Variants in OR10R2 observed in about 807,000 individuals in gnomAD.
The protein encoded by OR10R2 is olfactory receptor 10R2.
Under a neutral mutation model 2.4 loss-of-function variants are expected in OR10R2, and 1 was observed. The observed-to-expected ratio is 0.41, with a 90% CI of 0.15 to 1.95. The LOEUF (loss-of-function observed/expected upper bound fraction) is 1.95, where lower values mean the gene tolerates loss of function less well. Among genes scored for constraint, OR10R2 ranks in the 30% most tolerant of loss-of-function variants. The probability of loss-of-function intolerance (pLI) is 0.30; values close to 1 mark genes in which losing one functional copy is unlikely to be tolerated. For missense variants in OR10R2, 419 were observed against 373.0 expected, an observed-to-expected ratio of 1.12 and a Z score of -1.01; for synonymous variants, 166 against 144.8, an observed-to-expected ratio of 1.15 and a Z score of -1.05.
exon 2 of OR10R2, chr1:158,480,573 G>C (rs754253674): frequency 6.2e-7 from 1 of 1,613,372 alleles, no homozygotes; most frequent in Non-Finnish European, 8.5e-7. Context: ...TTCCCTTTCT[G>C]TTTATCTGTG....
exon 2 of OR10R2, chr1:158,480,224 G>C (rs754115170): frequency 3.1e-6 from 5 of 1,613,960 alleles, no homozygotes; most frequent in Non-Finnish European, 4.2e-6. Context: ...TCCTTCAACT[G>C]TTGTGCTCTT....
rs139794138 is a variant in OR10R2, at chr1:158,474,110, T to A, written c.27+1758T>A. On this transcript the variant is annotated intron_variant, in intron 1 of 1. Coordinates refer to ENST00000641067, the Ensembl canonical transcript of OR10R2. ...TATAGGGTTCTGAGTAAGAAGGTAC[T>A]TGGTAAAATGTAAATTTAAATGTCT... Among the ~76,000 whole-genome samples the A allele has an allele frequency of 1.3e-3, 192 of 152,218 alleles. 2 individuals carry two copies. In the East Asian group the frequency reaches 0.031, roughly 24 times the overall value.
chr1:158,480,022 G>A, exon 2 of OR10R2: 1 of 1,613,950 alleles, frequency 6.2e-7, no homozygotes, highest in Non-Finnish European at 8.5e-7. Flanking sequence ...GGCCCTCTTT[G>A]TAGTTTTTCT....
chr1:158,479,272 G>T (rs1656330034), intron 1 of OR10R2, among the ~76,000 whole-genome samples: 2 of 152,038 alleles, frequency 1.3e-5, no homozygotes, highest in Non-Finnish European at 2.9e-5. Flanking sequence ...AAAGCCTGCT[G>T]GGATTTGTTA....
intron 1 of OR10R2, among the ~76,000 whole-genome samples, chr1:158,476,551 A>AT (rs1406172266): frequency 6.7e-6 from 1 of 150,004 alleles, no homozygotes; most frequent in African/African-American, 2.4e-5. Flanking sequence ...CCATCTCAAA[A>AT]AAAAAAAAAA....
chr1:158,478,729 A>G (rs1656320747), intron 1 of OR10R2, among the ~76,000 whole-genome samples: 2 of 152,166 alleles, frequency 1.3e-5, no homozygotes, highest in Admixed American at 1.3e-4. Flanking sequence ...ATGATGGGTA[A>G]GGAAAGAAGG....
chr1:158,475,036 T>C (rs1213879441), intron 1 of OR10R2, among the ~76,000 whole-genome samples: 1 of 152,146 alleles, frequency 6.6e-6, no homozygotes, highest in African/African-American at 2.4e-5. Flanking sequence ...AATTAATACA[T>C]TTAATAATAA....
intron 1 of OR10R2, among the ~76,000 whole-genome samples, chr1:158,473,785 TC>T (rs1261435722): frequency 0.039 from 3,982 of 102,042 alleles, 436 homozygotes; most frequent in Middle Eastern, 0.065. Context: ...CCTCCCTCCT[TC>T]CCTCTTTCCC....
At chr1:158,480,895 A>G (rs749813817) in exon 2 of OR10R2, 20 of 1,176,742 alleles carry the variant, frequency 1.7e-5, no homozygotes, top group South Asian at 1.1e-4. Context: ...AAATATTATT[A>G]CATTTTAGAT....
At chr1:158,480,730 A>C in exon 2 of OR10R2, 1 of 1,613,188 alleles carries the variant, frequency 6.2e-7, no homozygotes, top group Non-Finnish European at 8.5e-7. Context: ...GCCTACAGCA[A>C]ACTATGTGTC....
intron 1 of OR10R2, among the ~76,000 whole-genome samples, chr1:158,478,103 C>T (rs928020032): frequency 1.3e-5 from 2 of 152,234 alleles, no homozygotes; most frequent in African/African-American, 4.8e-5. Context: ...GGCTAGCCAT[C>T]TGCAGAAGAG....
chr1:158,479,839 A>T, intron 1 of OR10R2, 99 bp from the exon 2 acceptor site: 1 of 1,288,424 alleles, frequency 7.8e-7, no homozygotes, highest in Non-Finnish European at 1.1e-6. Context: ...AAAAGGCAAG[A>T]TTCTTCTTTG....
At chr1:158,480,447 C>G (rs144624013) in exon 2 of OR10R2, 1 of 1,613,738 alleles carries the variant, frequency 6.2e-7, no homozygotes, top group Non-Finnish European at 8.5e-7. Flanking sequence ...CTTTTTGTAG[C>G]GCCAACAAAG....
rs565194529 is a variant in OR10R2, at chr1:158,475,363, T to G, written c.27+3011T>G. Among the ~76,000 whole-genome samples, 3 of 152,104 alleles carry G rather than the reference T, an allele frequency of 2.0e-5. No individual in the cohort carries two copies. The East Asian group carries it at 5.8e-4, about 29-fold the overall frequency. ...TGTAGATATAGTTTGCTAAATTTCT[T>G]GGCATAAACAAAACCAAATTATAAT... On this transcript the variant is annotated intron_variant, in intron 1 of 1. Coordinates refer to ENST00000641067, the Ensembl canonical transcript of OR10R2.
intron 1 of OR10R2, among the ~76,000 whole-genome samples, chr1:158,477,741 C>T (rs759005657): frequency 2.6e-5 from 4 of 152,098 alleles, no homozygotes; most frequent in Non-Finnish European, 4.4e-5. Context: ...AAGCAATTTA[C>T]AGATTCAATG....
At chr1:158,478,245 G>A (rs1410850813) in intron 1 of OR10R2, among the ~76,000 whole-genome samples, 3 of 152,090 alleles carry the variant, frequency 2.0e-5, no homozygotes, top group Non-Finnish European at 2.9e-5. Flanking sequence ...TATCAGCCTT[G>A]GCAAAGAATT....
intron 1 of OR10R2, among the ~76,000 whole-genome samples, chr1:158,475,465 T>A (rs776093935): frequency 5.3e-5 from 8 of 151,998 alleles, no homozygotes; most frequent in Non-Finnish European, 8.8e-5. Flanking sequence ...ATATCTCTAC[T>A]TTACTTTATT....
At chr1:158,477,502 T>C (rs1434863966) in intron 1 of OR10R2, among the ~76,000 whole-genome samples, 5 of 152,272 alleles carry the variant, frequency 3.3e-5, no homozygotes, top group African/African-American at 9.6e-5. Context: ...TGTTTCTATA[T>C]ATCAATAATG....
exon 2 of OR10R2, chr1:158,480,658 T>C: frequency 2.5e-6 from 4 of 1,613,962 alleles, no homozygotes; most frequent in Non-Finnish European, 3.4e-6. Flanking sequence ...GTTTTCCACC[T>C]GCGCCTCTCA....
Sources: gnomAD v4.1 joint callset for allele counts (sites outside exome capture counted in the v4.1 genomes callset) on GRCh38, gnomAD v4.1.1 for gene constraint, MANE v1.5 for transcripts, NCBI Gene and HGNC (gene_info 2026-07-23, HGNC 2026-07-21) for gene names.